Variants in ERBB4 observed in about 807,000 individuals in gnomAD.
ERBB4 encodes erb-b2 receptor tyrosine kinase 4.
Under a neutral mutation model 158.0 loss-of-function variants are expected in ERBB4, and 42 were observed. The observed-to-expected ratio is 0.27, with a 90% CI of 0.21 to 0.34. The LOEUF (loss-of-function observed/expected upper bound fraction) is 0.34. Among genes scored for constraint, ERBB4 ranks in the 10% least tolerant of loss-of-function variants. The probability of loss-of-function intolerance (pLI) is 1.00; values close to 1 mark genes in which losing one functional copy is unlikely to be tolerated. For missense variants in ERBB4, 1,333 were observed against 1,624.1 expected (o/e 0.82, Z 3.08); for synonymous variants, 583 against 558.7 (o/e 1.04, Z -0.61).
chr2:212,136,486 C>T (rs1449375154), intron 1 of ERBB4, among the ~76,000 whole-genome samples: 2 of 152,188 alleles, frequency 1.3e-5, no homozygotes, highest in African/African-American at 4.8e-5. Flanking sequence ...AAGCATTCTC[C>T]AACCCAGGGC....
intron 1 of ERBB4, among the ~76,000 whole-genome samples, chr2:212,278,757 T>C (rs1412410741): frequency 6.6e-6 from 1 of 151,650 alleles, no homozygotes; most frequent in African/African-American, 2.4e-5. Flanking sequence ...TAAAAAAAGC[T>C]AAAATTAATA....
At chr2:211,943,298 T>C (rs73989232) in intron 3 of ERBB4, among the ~76,000 whole-genome samples, 4,928 of 152,122 alleles carry the variant, frequency 0.032, 279 homozygotes, top group African/African-American at 0.11. Flanking sequence ...AGATTGTATA[T>C]ATACTATTAA....
chr2:212,448,635 A>G (rs915181444), intron 1 of ERBB4, among the ~76,000 whole-genome samples: 6 of 152,152 alleles, frequency 3.9e-5, no homozygotes, highest in African/African-American at 1.4e-4. Flanking sequence ...GTACATAAAC[A>G]TCAGGCATGG....
intron 3 of ERBB4, among the ~76,000 whole-genome samples, chr2:211,804,497 C>A (rs1053749035): frequency 1.3e-5 from 2 of 152,120 alleles, no homozygotes; most frequent in African/African-American, 4.8e-5. Flanking sequence ...ATCCAATAGG[C>A]CAATACAATT....
At chr2:211,876,044 CAT>C (rs1228454410) in intron 3 of ERBB4, among the ~76,000 whole-genome samples, 1 of 152,188 alleles carries the variant, frequency 6.6e-6, no homozygotes, top group Non-Finnish European at 1.5e-5. Context: ...TTAAGCAACA[CAT>C]GACTGTACTT....
At chr2:212,501,700 A>G (rs1690900212) in intron 1 of ERBB4, among the ~76,000 whole-genome samples, 1 of 152,192 alleles carries the variant, frequency 6.6e-6, no homozygotes, top group Non-Finnish European at 1.5e-5. Context: ...CGCCCACTGC[A>G]ATGAAAAGGT....
At chr2:211,702,481 G>A (rs1478105943) in intron 11 of ERBB4, among the ~76,000 whole-genome samples, 2 of 152,036 alleles carry the variant, frequency 1.3e-5, no homozygotes. Context: ...GTTCAATGAT[G>A]AAATCCTGTA....
intron 20 of ERBB4, among the ~76,000 whole-genome samples, chr2:211,529,219 A>G (rs1027996829): frequency 6.6e-6 from 1 of 151,978 alleles, no homozygotes; most frequent in Admixed American, 6.5e-5. Context: ...AGTGGCTACT[A>G]GGAGTAACAA....
chr2:211,861,435 A>T (rs910894995), intron 3 of ERBB4, among the ~76,000 whole-genome samples: 1 of 144,446 alleles, frequency 6.9e-6, no homozygotes, highest in Non-Finnish European at 1.5e-5. Context: ...AGCTCAAGTC[A>T]TCCGTCATCC....
intron 3 of ERBB4, among the ~76,000 whole-genome samples, chr2:211,857,126 T>C (rs1400634617): frequency 6.6e-6 from 1 of 151,608 alleles, no homozygotes; most frequent in Non-Finnish European, 1.5e-5. Flanking sequence ...TGAGTTTTTG[T>C]TCCTCTGACT....
At position 212,283,531 on chromosome 2, in the gene ERBB4, T is replaced by C. The variant is rs551858346; in HGVS notation, c.83-158628A>G. Reference sequence around the variant, plus strand: ...TCTTGGTTTCATGCAAAATAAGATATGTATCACCCCTTAGAGTTTGTTAAA... The same window carrying C: ...TCTTGGTTTCATGCAAAATAAGATACGTATCACCCCTTAGAGTTTGTTAAA... On this transcript the variant is annotated intron_variant, in intron 1 of 27. Transcript: ENST00000342788. 2.6e-5 allele frequency among the ~76,000 whole-genome samples: 4 copies of C among 152,126 alleles called. No individual in the cohort carries two copies. In the East Asian group the frequency reaches 5.8e-4, roughly 22 times the overall value.
intron 14 of ERBB4, among the ~76,000 whole-genome samples, chr2:211,669,216 C>CA (rs71054124): frequency 0.066 from 3,691 of 55,972 alleles, 235 homozygotes; most frequent in Non-Finnish European, 0.079. Flanking sequence ...GAGTGAGTCT[C>CA]AAAAAAAAAA....
intron 2 of ERBB4, among the ~76,000 whole-genome samples, chr2:212,026,401 T>C (rs16847519): frequency 0.093 from 14,104 of 151,780 alleles, 733 homozygotes; most frequent in Middle Eastern, 0.14. Context: ...TAATATTTTA[T>C]ACTGTAGATA....
At chr2:212,316,590 A>C (rs16848336) in intron 1 of ERBB4, among the ~76,000 whole-genome samples, 2,005 of 151,620 alleles carry the variant, frequency 0.013, 51 homozygotes, top group African/African-American at 0.046. Context: ...ATTCTTTCAC[A>C]GTATTGCACC....
chr2:212,275,019 A>C (rs1271275564), intron 1 of ERBB4, among the ~76,000 whole-genome samples: 1 of 151,712 alleles, frequency 6.6e-6, no homozygotes, highest in Non-Finnish European at 1.5e-5. Context: ...GAGAACATGC[A>C]GTGTTTGGTT....
At chr2:212,257,744 G>T (rs1425040627) in intron 1 of ERBB4, among the ~76,000 whole-genome samples, 1 of 152,054 alleles carries the variant, frequency 6.6e-6, no homozygotes, top group Non-Finnish European at 1.5e-5. Flanking sequence ...AAACTTCTTT[G>T]CACTTTGTAA....
chr2:212,305,368 T>C (rs1198982988), intron 1 of ERBB4, among the ~76,000 whole-genome samples: 1 of 151,416 alleles, frequency 6.6e-6, no homozygotes, highest in Non-Finnish European at 1.5e-5. Context: ...TATTAATGAT[T>C]TTTATTCCAC....
Position 212,171,334 on chromosome 2 carries a change from T to TA in ERBB4, c.83-46432dup, listed in dbSNP as rs397803745. On this transcript the variant is annotated intron_variant, in intron 1 of 27. Coordinates refer to ENST00000342788, the MANE Select transcript of ERBB4 (RefSeq NM_005235.3). ...GGAAGTAACTAACTTGTTTTTTTTT[T>TA]AATTATTTTACAGGCTTATAGGCAG... Among the ~76,000 whole-genome samples the TA allele has an allele frequency of 2.6e-5, 4 of 151,728 alleles. No individual in the cohort carries two copies. In the South Asian group the frequency reaches 6.3e-4, roughly 24 times the overall value.
chr2:212,078,488 GTAA>G (rs1288786334), intron 2 of ERBB4, among the ~76,000 whole-genome samples: 2 of 151,852 alleles, frequency 1.3e-5, no homozygotes, highest in African/African-American at 4.8e-5. Flanking sequence ...TATAACAGTG[GTAA>G]TAAAATATAA....
Sources: gnomAD v4.1 joint callset for allele counts (sites outside exome capture counted in the v4.1 genomes callset) on GRCh38, gnomAD v4.1.1 for gene constraint, MANE v1.5 for transcripts, NCBI Gene and HGNC (gene_info 2026-07-23, HGNC 2026-07-21) for gene names.